Variants in EPHB1 observed in about 807,000 individuals in gnomAD.
EPHB1 encodes the protein ephrin type-B receptor 1.
In EPHB1, 30 loss-of-function variants were observed where a neutral mutation model predicts 94.4. That is an observed-to-expected ratio of 0.32 (90% confidence interval 0.24 to 0.43). The LOEUF is 0.43. EPHB1 is among the 20% of genes least tolerant of loss of function. The pLI, the probability that EPHB1 is intolerant of heterozygous loss-of-function variation, is 1.00. For synonymous variants in EPHB1, 522 were observed against 489.1 expected, an observed-to-expected ratio of 1.07 and a Z score of -0.89; for missense variants, 1,055 against 1,308.3, an observed-to-expected ratio of 0.81 and a Z score of 2.99.
chr3:135,043,008 A>AT (rs1350193576), intron 3 of EPHB1, among the ~76,000 whole-genome samples: 2 of 151,686 alleles, frequency 1.3e-5, no homozygotes, highest in Non-Finnish European at 2.9e-5. Context: ...TACCTCGCTA[A>AT]TTTTTTGTAT....
At chr3:135,217,868 A>T (rs1252760899) in intron 12 of EPHB1, among the ~76,000 whole-genome samples, 1 of 152,130 alleles carries the variant, frequency 6.6e-6, no homozygotes, top group Non-Finnish European at 1.5e-5. Flanking sequence ...AGTCGGGTCG[A>T]TCCATCTGCC....
At chr3:134,800,748 A>C (rs144371585) in intron 1 of EPHB1, among the ~76,000 whole-genome samples, 124 of 152,334 alleles carry the variant, frequency 8.1e-4, no homozygotes, top group African/African-American at 2.9e-3. Context: ...AGTGATTCAC[A>C]TGCAGACAGC....
At chr3:134,962,939 T>C (rs2895707) in intron 3 of EPHB1, among the ~76,000 whole-genome samples, 74,055 of 151,948 alleles carry the variant, frequency 0.49, 18,748 homozygotes, top group African/African-American at 0.6. Flanking sequence ...GAAGCCCAGG[T>C]CTTGTCTCTG....
intron 3 of EPHB1, among the ~76,000 whole-genome samples, chr3:135,017,176 A>G (rs1224789887): frequency 6.6e-6 from 1 of 152,160 alleles, no homozygotes; most frequent in Non-Finnish European, 1.5e-5. Flanking sequence ...GGTCTGTGTC[A>G]CCAAGCACCG....
intron 1 of EPHB1, among the ~76,000 whole-genome samples, chr3:134,826,251 CA>C (rs34084951): frequency 0.58 from 69,507 of 118,830 alleles, 21,218 homozygotes; most frequent in East Asian, 0.79. Context: ...GACTCCATCT[CA>C]AAAAAAAAAA....
intron 1 of EPHB1, among the ~76,000 whole-genome samples, chr3:134,914,219 G>C (rs561908030): frequency 1.8e-4 from 27 of 152,332 alleles, no homozygotes; most frequent in Non-Finnish European, 2.2e-4. Flanking sequence ...GTAGGTAAGA[G>C]ACTTGGGTTT....
intron 3 of EPHB1, among the ~76,000 whole-genome samples, chr3:135,018,950 C>T (rs948985854): frequency 6.6e-6 from 1 of 152,166 alleles, no homozygotes; most frequent in Non-Finnish European, 1.5e-5. Context: ...GAATTCTAAG[C>T]TGAGGCTGTG....
At chr3:135,078,654 G>C (rs1164034663) in intron 3 of EPHB1, among the ~76,000 whole-genome samples, 1 of 152,256 alleles carries the variant, frequency 6.6e-6, no homozygotes, top group Non-Finnish European at 1.5e-5. Flanking sequence ...GAGAGGAAGA[G>C]GGAGTATGGG....
chr3:134,985,309 C>T (rs1486878532), intron 3 of EPHB1, among the ~76,000 whole-genome samples: 1 of 152,112 alleles, frequency 6.6e-6, no homozygotes, highest in East Asian at 1.9e-4. Flanking sequence ...CAGGTGCGCA[C>T]CACCACACCC....
intron 1 of EPHB1, among the ~76,000 whole-genome samples, chr3:134,912,415 C>T (rs1578191229): frequency 6.6e-6 from 1 of 152,310 alleles, no homozygotes; most frequent in Non-Finnish European, 1.5e-5. Flanking sequence ...ATAGGTGTAG[C>T]ACTGAGTAGC....
At chr3:134,942,641 G>A (rs1034354462) in intron 2 of EPHB1, among the ~76,000 whole-genome samples, 23 of 152,200 alleles carry the variant, frequency 1.5e-4, no homozygotes, top group African/African-American at 5.5e-4. Flanking sequence ...CTGGGGTATT[G>A]GGGAGAGGTC....
chr3:135,137,836 A>G (rs1393067726), intron 5 of EPHB1, among the ~76,000 whole-genome samples: 1 of 152,178 alleles, frequency 6.6e-6, no homozygotes, highest in Admixed American at 6.5e-5. Flanking sequence ...TTTCCTTCCA[A>G]GCCTTCACAG....
chr3:134,971,853 G>T (rs577051003), intron 3 of EPHB1, among the ~76,000 whole-genome samples: 47 of 152,182 alleles, frequency 3.1e-4, no homozygotes, highest in Non-Finnish European at 5.4e-4. Flanking sequence ...TCCAGCACTG[G>T]ATTGACCAAG....
intron 1 of EPHB1, among the ~76,000 whole-genome samples, chr3:134,799,705 C>T (rs2035899785): frequency 1.3e-5 from 2 of 152,208 alleles, no homozygotes; most frequent in Admixed American, 1.3e-4. Flanking sequence ...CCAGCCCCTT[C>T]TGCCTTCTAT....
At chr3:135,006,989 G>T (rs993541544) in intron 3 of EPHB1, among the ~76,000 whole-genome samples, 1 of 152,186 alleles carries the variant, frequency 6.6e-6, no homozygotes, top group Non-Finnish European at 1.5e-5. Flanking sequence ...CTATGTGAAT[G>T]GAGGTGAGAC....
intron 10 of EPHB1, among the ~76,000 whole-genome samples, chr3:135,180,557 T>C (rs1423730783): frequency 6.6e-6 from 1 of 152,214 alleles, no homozygotes; most frequent in Non-Finnish European, 1.5e-5. Context: ...ACAAGACGAA[T>C]TTCACTCTCA....
intron 13 of EPHB1, among the ~76,000 whole-genome samples, chr3:135,246,410 T>TA (rs1451404196): frequency 2.6e-5 from 4 of 152,140 alleles, no homozygotes; most frequent in Admixed American, 6.5e-5. Context: ...TCTCATAGAT[T>TA]ACTTAGTTTA....
intron 3 of EPHB1, among the ~76,000 whole-genome samples, chr3:134,975,319 C>T (rs1375603554): frequency 6.6e-6 from 1 of 152,074 alleles, no homozygotes; most frequent in Non-Finnish European, 1.5e-5. Context: ...GAGCCTTGGG[C>T]AGGGCAGGGG....
intron 1 of EPHB1, among the ~76,000 whole-genome samples, chr3:134,885,241 T>C (rs1323577389): frequency 6.6e-6 from 1 of 152,096 alleles, no homozygotes; most frequent in African/African-American, 2.4e-5. Context: ...GACATCACAA[T>C]AGAAACAATC....
Sources: allele counts gnomAD v4.1 joint callset (sites outside exome capture counted in the v4.1 genomes callset), GRCh38; gene constraint gnomAD v4.1.1; transcripts MANE v1.5; gene names NCBI Gene and HGNC (gene_info 2026-07-23, HGNC 2026-07-21).